Variants in NOX5 observed in about 807,000 individuals in gnomAD.
The protein encoded by NOX5 is NADPH oxidase, EF-hand calcium binding domain 5.
Under a neutral mutation model 85.7 loss-of-function variants are expected in NOX5, and 76 were observed. That is an observed-to-expected ratio of 0.89 (90% CI 0.74 to 1.07). The LOEUF (loss-of-function observed/expected upper bound fraction) is 1.07, where lower values mean the gene tolerates loss of function less well. Among genes scored for constraint, NOX5 ranks in the 50% least tolerant of loss-of-function variants. The pLI is 0.00. For missense variants in NOX5, 973 were observed against 999.5 expected, an observed-to-expected ratio of 0.97 and a Z score of 0.36; for synonymous variants, 405 against 401.4, an observed-to-expected ratio of 1.01 and a Z score of -0.11.
intron 4 of NOX5, among the ~76,000 whole-genome samples, chr15:69,032,821 A>G (rs190735023): frequency 6.6e-6 from 1 of 152,316 alleles, no homozygotes; most frequent in East Asian, 1.9e-4. Flanking sequence ...AAGTAATAAA[A>G]ATAGCGGTGG....
At chr15:69,031,338 A>G (rs1332383466) in intron 3 of NOX5, 180 bp from the exon 4 acceptor site, 5 of 643,736 alleles carry the variant, frequency 7.8e-6, no homozygotes, top group African/African-American at 3.6e-5. Context: ...ACTGAAGCCA[A>G]AGATTCTCCA....
chr15:69,031,315 G>A (rs1270204718), intron 3 of NOX5: 1 of 591,622 alleles, frequency 1.7e-6, no homozygotes, highest in Non-Finnish European at 3.0e-6. Flanking sequence ...ACCGATTCTG[G>A]AGACAGGCAA....
At position 69,055,429 on chromosome 15, in the gene NOX5, A is replaced by G. The variant is rs774199516; in HGVS notation, c.2095A>G (p.Asn699Asp). 6.2e-7 allele frequency: 1 copy of G among 1,614,212 alleles called. No individual in the cohort carries two copies. The highest frequency in any genetic ancestry group is 8.5e-7 in the Non-Finnish European group (1 of 1,180,048). Reference sequence around the variant, plus strand: ...GCAGATGGCCCTTGACCTCCTGGCCAACAAGGAGAAGAAAGACTCCATCAC... The same window carrying G: ...GCAGATGGCCCTTGACCTCCTGGCCGACAAGGAGAAGAAAGACTCCATCAC... ...GLQMALDLLA[N>D]KEKKDSITGL... The change falls in exon 15 of 16, where the codon AAC becomes GAC. Residue 699 changes from asparagine (N) to aspartate (D), a missense_variant. Transcript: ENST00000388866.
chr15:69,033,626 A>G (rs2050471075), intron 5 of NOX5, among the ~76,000 whole-genome samples: 1 of 151,192 alleles, frequency 6.6e-6, no homozygotes, highest in African/African-American at 2.4e-5. Context: ...ATACCAGACC[A>G]TGGAGTTGGA....
chr15:69,054,545 G>A (rs150246629), intron 14 of NOX5, among the ~76,000 whole-genome samples: 8 of 152,290 alleles, frequency 5.3e-5, no homozygotes, highest in East Asian at 1.9e-4. Flanking sequence ...CCGAGGATGC[G>A]GCTCCAGCCG....
intron 3 of NOX5, 144 bp downstream of exon 3, chr15:69,028,509 C>A: frequency 1.5e-6 from 1 of 653,078 alleles, no homozygotes; most frequent in Non-Finnish European, 2.5e-6. Flanking sequence ...GTGAGGCTGA[C>A]ACTTCCTTTC....
intron 4 of NOX5, among the ~76,000 whole-genome samples, chr15:69,032,502 C>T (rs551852553): frequency 6.6e-6 from 1 of 152,006 alleles, no homozygotes; most frequent in Non-Finnish European, 1.5e-5. Context: ...CCTCCGCCTC[C>T]CGGGTTCAAG....
chr15:69,048,706 T>C (rs1346595767), intron 13 of NOX5, among the ~76,000 whole-genome samples: 3 of 152,218 alleles, frequency 2.0e-5, no homozygotes, highest in East Asian at 1.9e-4. Flanking sequence ...ACACACTGTT[T>C]GTTGTAAACA....
chr15:69,018,543 C>A (rs2050259083), intron 1 of NOX5, among the ~76,000 whole-genome samples: 1 of 149,720 alleles, frequency 6.7e-6, no homozygotes. Context: ...CACCCCCACC[C>A]CCACAAGACT....
intron 6 of NOX5, 59 bp downstream of exon 6, chr15:69,035,566 A>G (rs1486946827): frequency 9.4e-6 from 15 of 1,597,020 alleles, no homozygotes; most frequent in Non-Finnish European, 6.0e-6. Context: ...CAAGCCCAGA[A>G]TGCAGGGCCC....
At position 69,061,629 on chromosome 15, in the gene NOX5, CA is replaced by C. The variant is rs2050871505; in HGVS notation, c.*4934del. The C allele has an allele frequency of 2.0e-5, 3 of 152,222 alleles. No individual in the cohort carries two copies. Among genetic ancestry groups the C allele is most frequent in the East Asian group, 3.9e-4 (2 of 5,180 alleles). The allele number at this position is 152,222 out of a possible 1,614,324, so 9.4% of individuals were successfully genotyped here. On this transcript the variant is annotated 3_prime_UTR_variant, in exon 16 of 16. Coordinates refer to ENST00000388866, the MANE Select transcript of NOX5 (RefSeq NM_024505.4). Reference sequence around the variant, plus strand: ...ATTTATTTTATGAGGAAATTCATCCCAGGGGGAAAAATACTCAACCTGAATG... The same window carrying C: ...ATTTATTTTATGAGGAAATTCATCCCGGGGGAAAAATACTCAACCTGAATG...
At chr15:69,047,636 A>G in intron 12 of NOX5, 99 bp downstream of exon 12, 2 of 1,457,502 alleles carry the variant, frequency 1.4e-6, no homozygotes, top group Non-Finnish European at 1.9e-6. Context: ...CTCTCCTTTC[A>G]CCTGTCTCTC....
At position 69,059,621 on chromosome 15, in the gene NOX5, C is replaced by A. The variant is rs528764090; in HGVS notation, c.*2925C>A. On this transcript the variant is annotated 3_prime_UTR_variant, in exon 16 of 16. Transcript: ENST00000388866. Reference sequence around the variant, plus strand: ...TGGGGAGAGTTCACAGGTCCAGGTTCTGTCTGCCTCGGTGGACATGTCATC... The same window carrying A: ...TGGGGAGAGTTCACAGGTCCAGGTTATGTCTGCCTCGGTGGACATGTCATC... 12 of 152,338 alleles carry A rather than the reference C, an allele frequency of 7.9e-5. No individual in the cohort carries two copies. The highest frequency in any genetic ancestry group is 2.9e-4 in the African/African-American group (12 of 41,564). 9.4% of individuals were successfully genotyped at this position (152,338 alleles called of 1,614,324 possible). A position where few individuals can be genotyped will look rare whatever the true frequency, so the allele number is the denominator to read the frequency against.
At chr15:69,028,620 G>GC (rs1220768346) in intron 3 of NOX5, 8 of 332,266 alleles carry the variant, frequency 2.4e-5, no homozygotes, top group African/African-American at 1.7e-4. Context: ...GGAGACAAAT[G>GC]CCTTCTATTC....
Position 69,055,392 on chromosome 15 carries a change from G to A in NOX5, c.2058G>A (p.Lys686=), listed in dbSNP as rs149843858. ...MTSALGKNDM[K]AIGLQMALDL... ...CTGCACTGGGCAAGAATGACATGAA[G>A]GCCATTGGCCTGCAGATGGCCCTTG... The change falls in exon 15 of 16, where the codon AAG becomes AAA. Residue 686 remains lysine, a synonymous_variant. Coordinates refer to ENST00000388866, the MANE Select transcript of NOX5 (RefSeq NM_024505.4). 9.9e-6 allele frequency: 16 copies of A among 1,614,106 alleles called. No homozygotes were observed. The African/African-American group carries it at 2.0e-4, about 20-fold the overall frequency.
intron 1 of NOX5, among the ~76,000 whole-genome samples, chr15:69,016,799 T>C (rs2050236869): frequency 8.2e-6 from 1 of 122,386 alleles, no homozygotes. Flanking sequence ...GACATATGCA[T>C]ATATATATAT....
intron 14 of NOX5, among the ~76,000 whole-genome samples, chr15:69,050,097 G>A (rs534270266): frequency 1.9e-4 from 29 of 152,278 alleles, no homozygotes; most frequent in Admixed American, 5.2e-4. Flanking sequence ...AGTCTGTTCC[G>A]TCTGACGTCT....
chr15:69,056,899 C>A lies in NOX5; in HGVS notation c.*203C>A, dbSNP rs754540483. The A allele has an allele frequency of 7.2e-5, 38 of 525,654 alleles. No homozygotes were observed. Among genetic ancestry groups the A allele is most frequent in the Non-Finnish European group, 1.2e-4 (37 of 309,074 alleles). 32.6% of individuals were successfully genotyped at this position (525,654 alleles called of 1,614,324 possible). ...CTAGAACCCAGGGGAAGGGACAGTG[C>A]CTTGTTCAGTCTGCTGTAGATTCTG... On this transcript the variant is annotated 3_prime_UTR_variant, in exon 16 of 16. Coordinates refer to ENST00000388866, the MANE Select transcript of NOX5 (RefSeq NM_024505.4).
intron 14 of NOX5, among the ~76,000 whole-genome samples, chr15:69,052,330 C>G (rs1445921072): frequency 2.6e-5 from 4 of 152,268 alleles, no homozygotes; most frequent in African/African-American, 7.2e-5. Context: ...AGCATTTACT[C>G]TCATCATTGT....
Sources: allele counts gnomAD v4.1 joint callset (sites outside exome capture counted in the v4.1 genomes callset), GRCh38; gene constraint gnomAD v4.1.1; transcripts MANE v1.5; gene names NCBI Gene and HGNC (gene_info 2026-07-23, HGNC 2026-07-21).